RFTN1: variants seen among roughly 807,000 people sequenced by gnomAD.
RFTN1 encodes the protein raftlin, lipid raft linker 1, also known as raftlin.
RFTN1 carries 26 observed loss-of-function variants against 46.5 expected under a neutral mutation model. The ratio of observed to expected loss-of-function variants is 0.56; its 90% CI spans 0.41 to 0.78. RFTN1 has a LOEUF of 0.78. Ranked by LOEUF, RFTN1 falls within the 30% of genes least tolerant of loss-of-function variation. The pLI, the probability that RFTN1 is intolerant of heterozygous loss-of-function variation, is 0.00. For synonymous variants in RFTN1, 261 were observed against 284.2 expected (o/e 0.92, Z 0.82); for missense variants, 693 against 718.7 (o/e 0.96, Z 0.41).
intron 7 of RFTN1, among the ~76,000 whole-genome samples, chr3:16,332,835 T>C (rs76945632): frequency 2.0e-4 from 23 of 116,302 alleles, no homozygotes; most frequent in Non-Finnish European, 3.7e-4. Context: ...GGGCATCGAT[T>C]TATCTACCTA....
chr3:16,369,833 A>C (rs1575156189), intron 6 of RFTN1, among the ~76,000 whole-genome samples: 1 of 152,354 alleles, frequency 6.6e-6, no homozygotes, highest in Non-Finnish European at 1.5e-5. Context: ...GATGAAATAG[A>C]ATCACTCCAC....
Position 16,326,852 on chromosome 3 carries a change from C to G in RFTN1, c.1171G>C (p.Val391Leu). The change falls in exon 8 of 10, where the codon GTG becomes CTG. Residue 391 changes from valine (V) to leucine (L), a missense_variant. Coordinates refer to ENST00000334133, the MANE Select transcript of RFTN1 (RefSeq NM_015150.2). ...GCCGCCAGCGAGTTCAGCAGGGGCA[C>G]GTAGTCTGTCTGCACTTCGACACCC... The part of the protein sequence containing the change: ...LEGVEVQTDY[V>L]PLLNSLAAYG... 6.2e-7 allele frequency: 1 copy of G among 1,614,002 alleles called. No homozygotes were observed. Among genetic ancestry groups the G allele is most frequent in the Non-Finnish European group, 8.5e-7 (1 of 1,179,986 alleles).
chr3:16,497,238 T>C (rs1419125813), intron 1 of RFTN1, among the ~76,000 whole-genome samples: 1 of 152,154 alleles, frequency 6.6e-6, no homozygotes, highest in Non-Finnish European at 1.5e-5. Context: ...AATAAACAAA[T>C]CTGTGACCTT....
intron 1 of RFTN1, among the ~76,000 whole-genome samples, chr3:16,497,352 A>G (rs1319703209): frequency 6.6e-6 from 1 of 152,238 alleles, no homozygotes; most frequent in Admixed American, 6.5e-5. Context: ...TAAAAACTGA[A>G]GCAATATTTA....
At chr3:16,360,212 C>T (rs2072744027) in intron 6 of RFTN1, among the ~76,000 whole-genome samples, 2 of 151,568 alleles carry the variant, frequency 1.3e-5, no homozygotes, top group South Asian at 4.2e-4. Context: ...CACTCTGTCT[C>T]TTAGACTGGA....
intron 1 of RFTN1, among the ~76,000 whole-genome samples, chr3:16,497,840 G>A (rs2076649113): frequency 6.6e-6 from 1 of 152,152 alleles, no homozygotes; most frequent in African/African-American, 2.4e-5. Flanking sequence ...ATTTTATTTT[G>A]TCTATAATTT....
At chr3:16,471,297 G>C (rs1322114950) in intron 2 of RFTN1, among the ~76,000 whole-genome samples, 4 of 152,234 alleles carry the variant, frequency 2.6e-5, no homozygotes, top group Non-Finnish European at 5.9e-5. Flanking sequence ...GGAGGAGACA[G>C]TATGCATAGT....
chr3:16,508,474 T>C (rs1233602710), intron 1 of RFTN1, among the ~76,000 whole-genome samples: 3 of 152,290 alleles, frequency 2.0e-5, no homozygotes, highest in African/African-American at 4.8e-5. Context: ...AGTCACACAA[T>C]TGCATATTTA....
chr3:16,397,792 CTCTTTCTTT>C (rs1471573701), intron 4 of RFTN1, among the ~76,000 whole-genome samples: 1 of 151,156 alleles, frequency 6.6e-6, no homozygotes, highest in Admixed American at 6.6e-5. Flanking sequence ...CTCTCTCTCT[CTCTTTCTTT>C]TTTCTTTCTT....
At chr3:16,431,627 C>A (rs1319845749) in intron 3 of RFTN1, among the ~76,000 whole-genome samples, 2 of 152,170 alleles carry the variant, frequency 1.3e-5, no homozygotes, top group African/African-American at 4.8e-5. Flanking sequence ...GGACTTGTCT[C>A]CTTTAAACAC....
rs2075801812 is a variant in RFTN1 at position 16,450,278 on chromosome 3, C to T, written c.146-16241G>A. ...AGGCCTGCCTTGCTTGCAGCTCTGT[C>T]TGGGAGCATTTCAGGCAAAACATTT... On this transcript the variant is annotated intron_variant, in intron 2 of 9. Coordinates refer to ENST00000334133, the MANE Select transcript of RFTN1 (RefSeq NM_015150.2). The surrounding 1 kb of genome is among the most constrained non-coding windows in gnomAD (Gnocchi z 4.6). Among the ~76,000 whole-genome samples the T allele has an allele frequency of 6.6e-6, 1 of 152,192 alleles. No individual in the cohort carries two copies. The highest frequency in any genetic ancestry group is 1.5e-5 in the Non-Finnish European group (1 of 68,040).
In RFTN1 at chr3:16,453,091, C is replaced by T. The variant is rs73146214; in HGVS notation, c.146-19054G>A. 5.3e-3 allele frequency among the ~76,000 whole-genome samples: 811 copies of T among 152,280 alleles called. 10 individuals are homozygous for T. The highest frequency in any genetic ancestry group is 0.018 in the African/African-American group (760 of 41,546). On this transcript the variant is annotated intron_variant, in intron 2 of 9. Transcript: ENST00000334133. ...CATCCTTGCTTAATTCTCAATCTCTCAGCTATGTACTATTATTATCTCCAT... is the reference window on the plus strand; with the variant it reads ...CATCCTTGCTTAATTCTCAATCTCTTAGCTATGTACTATTATTATCTCCAT...
In RFTN1 at chr3:16,458,896, G is replaced by A. The variant is rs1295805517; in HGVS notation, c.146-24859C>T. ...CTGAAAACATGGTGCTTAGCTTCAC[G>A]AATTCCCTAAAAGTTACAACCCAGG... On this transcript the variant is annotated intron_variant, in intron 2 of 9. Transcript: ENST00000334133. The surrounding 1 kb of genome is among the most constrained non-coding windows in gnomAD (Gnocchi z 5.1). Among the ~76,000 whole-genome samples, 4 of 152,214 alleles carry A rather than the reference G, an allele frequency of 2.6e-5. No homozygotes were observed. Among genetic ancestry groups the A allele is most frequent in the South Asian group, 4.2e-4 (2 of 4,814 alleles).
intron 6 of RFTN1, among the ~76,000 whole-genome samples, chr3:16,359,768 T>A (rs1303750291): frequency 1.3e-5 from 2 of 152,194 alleles, no homozygotes; most frequent in East Asian, 3.8e-4. Context: ...AATGATACGC[T>A]CTTTTAAAAG....
At chr3:16,490,689 T>C (rs1019787285) in intron 2 of RFTN1, among the ~76,000 whole-genome samples, 3 of 152,224 alleles carry the variant, frequency 2.0e-5, no homozygotes, top group Non-Finnish European at 2.9e-5. Flanking sequence ...CAAAGATTTA[T>C]GGACAATATT....
chr3:16,333,955 G>A (rs2070594645), intron 7 of RFTN1, among the ~76,000 whole-genome samples: 1 of 152,084 alleles, frequency 6.6e-6, no homozygotes, highest in Non-Finnish European at 1.5e-5. Flanking sequence ...CACGAGGTCA[G>A]GAGATCGAGA....
chr3:16,330,489 T>C (rs552506909), intron 7 of RFTN1, among the ~76,000 whole-genome samples: 1 of 152,122 alleles, frequency 6.6e-6, no homozygotes, highest in Non-Finnish European at 1.5e-5. Flanking sequence ...TTTGTGACAC[T>C]CCAGTGAGGA....
At position 16,337,740 on chromosome 3, in the gene RFTN1, CAAAA is replaced by C. The variant is rs5846920; in HGVS notation, c.1147-10868_1147-10865del. ...CTGGCGACAGAGCGAGACTCCATCT[CAAAA>C]AAAAAAAAAAAAAGAAAAGAAAGTC... On this transcript the variant is annotated intron_variant, in intron 7 of 9. Transcript: ENST00000334133. The surrounding 1 kb of genome is among the most constrained non-coding windows in gnomAD (Gnocchi z 5.0). 5.3e-5 allele frequency among the ~76,000 whole-genome samples: 5 copies of C among 95,168 alleles called. No homozygotes were observed. The highest frequency in any genetic ancestry group is 1.1e-4 in the Admixed American group (1 of 8,866). The allele number at this position is 95,168 out of a possible 152,430, so 62.4% of individuals were successfully genotyped here.
intron 4 of RFTN1, among the ~76,000 whole-genome samples, chr3:16,398,562 T>C (rs1298758676): frequency 6.6e-6 from 1 of 152,072 alleles, no homozygotes; most frequent in African/African-American, 2.4e-5. Context: ...CCCATCTCAA[T>C]AGGGTAGGGA....
Sources: allele counts gnomAD v4.1 joint callset (sites outside exome capture counted in the v4.1 genomes callset), GRCh38; gene constraint gnomAD v4.1.1; non-coding constraint Gnocchi (gnomAD v3.1); transcripts MANE v1.5; gene names NCBI Gene and HGNC (gene_info 2026-07-23, HGNC 2026-07-21).